The following CD8B variants were observed in gnomAD, a reference collection of about 807,000 sequenced individuals.
CD8B encodes CD8 subunit beta.
Under a neutral mutation model 24.2 loss-of-function variants are expected in CD8B, and 6 were observed. That is an observed-to-expected ratio of 0.25 (90% CI 0.14 to 0.49). The LOEUF is 0.49. Ranked by LOEUF, CD8B falls within the 20% of genes least tolerant of loss-of-function variation. The pLI is 0.98. For missense variants in CD8B, 196 were observed against 271.3 expected, an observed-to-expected ratio of 0.72 and a Z score of 1.95; for synonymous variants, 84 against 108.3, an observed-to-expected ratio of 0.78 and a Z score of 1.39.
intron 5 of CD8B, chr2:86,844,585 T>C: frequency 1.5e-6 from 2 of 1,363,266 alleles, no homozygotes; most frequent in Non-Finnish European, 1.9e-6. Context: ...GGTCAGGTTT[T>C]TGTTTGTTTA....
At chr2:86,858,006 G>A (rs531079665) in intron 2 of CD8B, 51 bp downstream of exon 2, 19 of 1,585,780 alleles carry the variant, frequency 1.2e-5, no homozygotes, top group South Asian at 9.2e-5. Flanking sequence ...TGCCTGGCAC[G>A]TGCCTGGCAC....
chr2:86,838,344 G>A lies in CD8B; in HGVS notation c.*3963C>T, dbSNP rs1675261726. On this transcript the variant is annotated 3_prime_UTR_variant, in exon 6 of 6. Coordinates refer to ENST00000390655, the MANE Select transcript of CD8B (RefSeq NM_004931.5). ...GTACATATACAAACAAATATACCCG[G>A]AGGCCTTGATTTATTATTAGAGAAA... 6.6e-6 allele frequency among the ~76,000 whole-genome samples: 1 copy of A among 152,006 alleles called. No individual in the cohort carries two copies. Among genetic ancestry groups the A allele is most frequent in the Non-Finnish European group, 1.5e-5 (1 of 68,008 alleles).
chr2:86,815,652 A>G, exon 6 of CD8B: 2 of 1,613,586 alleles, frequency 1.2e-6, no homozygotes, highest in Non-Finnish European at 8.5e-7. Context: ...GTGAGGTTGT[A>G]GTATTGCTGT....
At chr2:86,860,772 G>A in intron 1 of CD8B, among the ~76,000 whole-genome samples, 1 of 152,208 alleles carries the variant, frequency 6.6e-6, no homozygotes. Context: ...ACCCAGAAGC[G>A]ACTCCTGTAA....
rs1365797263 is a variant in CD8B, at chr2:86,840,703, T to C, written c.*1604A>G. Among the ~76,000 whole-genome samples, 1 of 152,224 alleles carries C rather than the reference T, an allele frequency of 6.6e-6. No homozygotes were observed. The highest frequency in any genetic ancestry group is 1.5e-5 in the Non-Finnish European group (1 of 68,038). On this transcript the variant is annotated 3_prime_UTR_variant, in exon 6 of 6. Coordinates refer to ENST00000390655, the MANE Select transcript of CD8B (RefSeq NM_004931.5). ...TCCTTTTGCTGCTTTTATTCCTTTA[T>C]TACTTTGTATGTTTTGTTCAGTTCT...
At chr2:86,849,687 A>C (rs974950215) in intron 3 of CD8B, among the ~76,000 whole-genome samples, 2 of 149,510 alleles carry the variant, frequency 1.3e-5, no homozygotes, top group Admixed American at 6.7e-5. Context: ...TATGCAAATT[A>C]TATCTCAACT....
At chr2:86,835,832 T>C (rs1281574739), downstream of CD8B, among the ~76,000 whole-genome samples, 1 of 150,476 alleles carries the variant, frequency 6.6e-6, no homozygotes, top group African/African-American at 2.4e-5. Context: ...ACCCGGGTCT[T>C]TCTCTGGTCT....
chr2:86,827,713 G>C (rs1674748763), intron 5 of CD8B, among the ~76,000 whole-genome samples: 1 of 152,064 alleles, frequency 6.6e-6, no homozygotes, highest in Non-Finnish European at 1.5e-5. Flanking sequence ...GAATAATGTA[G>C]ACTTTAAATT....
At chr2:86,816,269 T>A (rs1039106141) in intron 5 of CD8B, among the ~76,000 whole-genome samples, 6 of 152,158 alleles carry the variant, frequency 3.9e-5, no homozygotes, top group Non-Finnish European at 8.8e-5. Context: ...GACAAGATGG[T>A]CACAAATGTT....
intron 5 of CD8B, among the ~76,000 whole-genome samples, chr2:86,819,336 G>A (rs1674377025): frequency 6.6e-6 from 1 of 152,222 alleles, no homozygotes; most frequent in Non-Finnish European, 1.5e-5. Flanking sequence ...GGAAGAAGAT[G>A]CTACTAGGTC....
chr2:86,832,770 T>C (rs1458009252), intron 5 of CD8B, among the ~76,000 whole-genome samples: 3 of 152,172 alleles, frequency 2.0e-5, no homozygotes, highest in Admixed American at 1.3e-4. Context: ...TAGGAGCTTT[T>C]CAATGTATTA....
intron 5 of CD8B, among the ~76,000 whole-genome samples, chr2:86,832,750 C>T (rs1006178335): frequency 2.0e-5 from 3 of 151,990 alleles, no homozygotes; most frequent in African/African-American, 7.3e-5. Context: ...TAAATAAAAA[C>T]ATTGATTCTT....
At chr2:86,837,753 G>A (rs1019894578), downstream of CD8B, among the ~76,000 whole-genome samples, 2 of 143,956 alleles carry the variant, frequency 1.4e-5, no homozygotes, top group Non-Finnish European at 3.0e-5. Context: ...ACAGGCCGGG[G>A]TGGGCTCCAC....
intron 3 of CD8B, among the ~76,000 whole-genome samples, chr2:86,852,345 G>A (rs909926649): frequency 2.0e-5 from 3 of 152,308 alleles, no homozygotes; most frequent in Admixed American, 6.5e-5. Flanking sequence ...TATAATTTAC[G>A]TATAAAGTCC....
In CD8B at chr2:86,858,058, C is replaced by A. The variant is rs753085425; in HGVS notation, c.402G>T (p.Val134=). 8 of 1,613,542 alleles carry A rather than the reference C, an allele frequency of 5.0e-6. No individual in the cohort carries two copies. In the South Asian group the frequency reaches 8.8e-5, roughly 18 times the overall value. Residue 134 remains valine, a splice_region_variant and synonymous_variant, in exon 2 of 6, where the codon GTG becomes GTT. Coordinates refer to ENST00000390655, the MANE Select transcript of CD8B (RefSeq NM_004931.5). ...LTFGKGTQLS[V]VDFLPTTAQP... ...GATAGCATTGAGCCTGCTTCTTACCCACACTCAGCTGAGTTCCCTTCCCGA... is the reference window on the plus strand; with the variant it reads ...GATAGCATTGAGCCTGCTTCTTACCAACACTCAGCTGAGTTCCCTTCCCGA...
chr2:86,847,282 T>C (rs1475219209), intron 3 of CD8B, among the ~76,000 whole-genome samples: 1 of 152,190 alleles, frequency 6.6e-6, no homozygotes, highest in Non-Finnish European at 1.5e-5. Flanking sequence ...GAAATCATTT[T>C]ATTATAAAAT....
chr2:86,854,992 G>A (rs1166979473), intron 2 of CD8B, among the ~76,000 whole-genome samples: 13 of 151,982 alleles, frequency 8.6e-5, no homozygotes, highest in Non-Finnish European at 1.8e-4. Flanking sequence ...GTGGTGGCAC[G>A]TGCCTGTAAT....
intron 5 of CD8B, among the ~76,000 whole-genome samples, chr2:86,823,584 A>C (rs1360639557): frequency 6.6e-6 from 1 of 152,172 alleles, no homozygotes; most frequent in African/African-American, 2.4e-5. Context: ...CGGCCTGCAC[A>C]ATCATTATAA....
At chr2:86,819,175 A>T (rs1224317496) in intron 5 of CD8B, among the ~76,000 whole-genome samples, 1 of 152,248 alleles carries the variant, frequency 6.6e-6, no homozygotes, top group Non-Finnish European at 1.5e-5. Context: ...TCTCCTTAAC[A>T]TCAAAATGCA....
Sources: allele counts gnomAD v4.1 joint callset (sites outside exome capture counted in the v4.1 genomes callset), GRCh38; gene constraint gnomAD v4.1.1; transcripts MANE v1.5; gene names NCBI Gene and HGNC (gene_info 2026-07-23, HGNC 2026-07-21).